CSMD2: variants seen among roughly 807,000 people sequenced by gnomAD.
CSMD2 encodes CUB and Sushi multiple domains 2, also known as CUB and sushi domain-containing protein 2.
In CSMD2, 130 loss-of-function variants were observed where a neutral mutation model predicts 398.5. That is an observed-to-expected ratio of 0.33 (90% CI 0.28 to 0.38). The LOEUF (loss-of-function observed/expected upper bound fraction) is 0.38. CSMD2 is among the 10% of genes least tolerant of loss of function. The pLI is 1.00. For synonymous variants in CSMD2, 1,828 were observed against 1,908.5 expected, an observed-to-expected ratio of 0.96 and a Z score of 1.10; for missense variants, 3,829 against 4,764.9, an observed-to-expected ratio of 0.80 and a Z score of 5.78.
intron 37 of CSMD2, among the ~76,000 whole-genome samples, chr1:33,618,209 T>C (rs571061212): frequency 6.6e-6 from 1 of 152,254 alleles, no homozygotes; most frequent in Non-Finnish European, 1.5e-5. Context: ...CCAGCCCCTT[T>C]CTGGGAGCAG....
rs1638646485 is a variant in CSMD2, at chr1:33,580,834, T to A, written c.7306A>T (p.Thr2436Ser). The part of the protein sequence containing the change: ...SGNYSAPLIV[T>S]SSSNSVYLRW... ...AGGTACACAGAGTTGCTTGAGCTGG[T>A]GACAATCAGGGGAGCTGAGTAATTC... Residue 2436 changes from threonine (T) to serine (S), a missense_variant, in exon 48 of 71, where the codon ACC becomes TCC. Thr to Ser is a moderately conservative substitution (Grantham distance 58, BLOSUM62 1). Around this residue, in one of 5 missense-constraint regions of CSMD2, gnomAD observed 723 missense variants for 758.6 expected, o/e 0.95. Coordinates refer to ENST00000373381, the MANE Select transcript of CSMD2 (RefSeq NM_001281956.2). The A allele has an allele frequency of 1.2e-6, 2 of 1,614,022 alleles. No homozygotes were observed. Among genetic ancestry groups the A allele is most frequent in the African/African-American group, 2.7e-5 (2 of 74,976 alleles).
At position 33,914,385 on chromosome 1, in the gene CSMD2, A is replaced by AGTGTGT. The variant is rs72433922; in HGVS notation, c.920+3703_920+3708dup. ...AGGTATGTGTCAGAGACGATTTGGC[A>AGTGTGT]GTGTGTGTGTGTGTGTGTGTGTGTG... is the stretch of plus-strand genomic sequence containing the variant. On this transcript the variant is annotated intron_variant, in intron 5 of 70. Transcript: ENST00000373381. Among the ~76,000 whole-genome samples, 145 of 139,802 alleles carry AGTGTGT rather than the reference A, an allele frequency of 1.0e-3. No homozygotes were observed. The Middle Eastern group carries it at 0.021, about 21-fold the overall frequency. The allele number at this position is 139,802 out of a possible 152,430, so 91.7% of individuals were successfully genotyped here.
intron 5 of CSMD2, among the ~76,000 whole-genome samples, chr1:33,904,830 T>A (rs1454705575): frequency 1.3e-5 from 2 of 152,170 alleles, no homozygotes; most frequent in Non-Finnish European, 2.9e-5. Flanking sequence ...GTATTTTTAA[T>A]AGACATGGGG....
At chr1:33,916,856 T>C (rs188694022) in intron 5 of CSMD2, among the ~76,000 whole-genome samples, 2 of 152,310 alleles carry the variant, frequency 1.3e-5, no homozygotes, top group African/African-American at 4.8e-5. Context: ...TAAAAAACCA[T>C]GTCTCACTCA....
intron 3 of CSMD2, among the ~76,000 whole-genome samples, chr1:33,936,844 G>A (rs1323791452): frequency 2.6e-5 from 4 of 152,168 alleles, no homozygotes; most frequent in African/African-American, 9.7e-5. Flanking sequence ...ATGGGGTGAG[G>A]AGTAGGGGTC....
At chr1:34,064,404 T>C (rs1438441849) in intron 2 of CSMD2, among the ~76,000 whole-genome samples, 1 of 152,092 alleles carries the variant, frequency 6.6e-6, no homozygotes, top group Non-Finnish European at 1.5e-5. Flanking sequence ...ATACCCTAAA[T>C]CATCTCTCTC....
At chr1:33,991,103 A>G (rs1337620671) in intron 3 of CSMD2, among the ~76,000 whole-genome samples, 2 of 151,584 alleles carry the variant, frequency 1.3e-5, no homozygotes, top group East Asian at 3.9e-4. Flanking sequence ...ACTGCAGCCT[A>G]GAACTCCTGG....
intron 5 of CSMD2, among the ~76,000 whole-genome samples, chr1:33,867,875 G>A (rs946486912): frequency 6.6e-6 from 1 of 152,182 alleles, no homozygotes; most frequent in Non-Finnish European, 1.5e-5. Context: ...CACACAGCTA[G>A]GCCCCAGCTC....
At position 33,984,186 on chromosome 1, in the gene CSMD2, C is replaced by T. The variant is rs1003010563; in HGVS notation, c.518-48232G>A. Among the ~76,000 whole-genome samples the T allele has an allele frequency of 2.0e-5, 3 of 151,364 alleles. No homozygotes were observed. In the East Asian group the frequency reaches 5.9e-4, roughly 30 times the overall value. ...CAAAAAAAAAAAAGGACAAAATGGACATAGCTTGGGCCTTCCCTTACTCCT... is the reference window on the plus strand; with the variant it reads ...CAAAAAAAAAAAAGGACAAAATGGATATAGCTTGGGCCTTCCCTTACTCCT... On this transcript the variant is annotated intron_variant, in intron 3 of 70. Coordinates refer to ENST00000373381, the MANE Select transcript of CSMD2 (RefSeq NM_001281956.2).
intron 10 of CSMD2, among the ~76,000 whole-genome samples, chr1:33,802,931 C>T (rs758541214): frequency 2.0e-4 from 31 of 152,304 alleles, no homozygotes; most frequent in Middle Eastern, 6.8e-3. Flanking sequence ...ATCTTATGTT[C>T]CTTGCCGGCT....
chr1:34,126,766 CG>C (rs2148485093), intron 1 of CSMD2, among the ~76,000 whole-genome samples: 1 of 148,242 alleles, frequency 6.7e-6, no homozygotes, highest in Admixed American at 6.9e-5. Flanking sequence ...AGGAAGGAAA[CG>C]GAGGCAAGGA....
chr1:34,088,878 T>C (rs1184049338), intron 2 of CSMD2, 99 bp downstream of exon 2: 1 of 963,968 alleles, frequency 1.0e-6, no homozygotes, highest in East Asian at 2.5e-5. Flanking sequence ...GTGGTCTTTG[T>C]TGATGACCAT....
At chr1:33,587,470 C>T (rs1639167214) in intron 44 of CSMD2, among the ~76,000 whole-genome samples, 1 of 152,190 alleles carries the variant, frequency 6.6e-6, no homozygotes, top group Non-Finnish European at 1.5e-5. Flanking sequence ...GTTTTATAGG[C>T]TGCCACTCTA....
intron 4 of CSMD2, among the ~76,000 whole-genome samples, chr1:33,927,711 G>C (rs1370491050): frequency 1.3e-5 from 2 of 152,044 alleles, no homozygotes; most frequent in Admixed American, 6.5e-5. Flanking sequence ...CTAGGAGCAG[G>C]CTCCTGGAAG....
In CSMD2 at chr1:33,782,570, T is replaced by C. The variant is rs542165874; in HGVS notation, c.1663+6030A>G. On this transcript the variant is annotated intron_variant, in intron 12 of 70. Coordinates refer to ENST00000373381, the MANE Select transcript of CSMD2 (RefSeq NM_001281956.2). ...CCAACCCCAAATCCTACAGGGACAA[T>C]AGAGAATGCATGGGCTGTTGGCATC... is the stretch of plus-strand genomic sequence containing the variant. 2.6e-5 allele frequency among the ~76,000 whole-genome samples: 4 copies of C among 152,180 alleles called. No individual in the cohort carries two copies. The East Asian group carries it at 5.8e-4, about 22-fold the overall frequency.
intron 53 of CSMD2, among the ~76,000 whole-genome samples, chr1:33,561,578 C>T (rs74788060): frequency 0.036 from 5,413 of 152,250 alleles, 368 homozygotes; most frequent in African/African-American, 0.12. Flanking sequence ...TCTCTGACCT[C>T]AGGAAGCTCA....
At chr1:34,127,902 G>C (rs894927526) in intron 1 of CSMD2, among the ~76,000 whole-genome samples, 15 of 152,048 alleles carry the variant, frequency 9.9e-5, no homozygotes, top group African/African-American at 3.6e-4. Context: ...TCTGAGAGGA[G>C]TTGTTGAGAG....
At chr1:34,136,783 G>A (rs1387489893) in intron 1 of CSMD2, among the ~76,000 whole-genome samples, 1 of 152,070 alleles carries the variant, frequency 6.6e-6, no homozygotes, top group Non-Finnish European at 1.5e-5. Flanking sequence ...CCAACCATGG[G>A]TCTTTCCTCT....
rs1324535397 is a variant in CSMD2 at position 34,165,201 on chromosome 1, G to C, written c.-104C>G. The C allele has an allele frequency of 8.6e-7, 1 of 1,163,324 alleles. No homozygotes were observed. The highest frequency in any genetic ancestry group is 1.1e-6 in the Non-Finnish European group (1 of 944,378). 72.1% of individuals were successfully genotyped at this position (1,163,324 alleles called of 1,614,324 possible). A position where few individuals can be genotyped will look rare whatever the true frequency, so the allele number is the denominator to read the frequency against. On this transcript the variant is annotated 5_prime_UTR_variant, in exon 1 of 71. Transcript: ENST00000373381. ...TTCTGCTCGGAAAAAATCCCGGTAC[G>C]CGGGAGCCCTGAGCTTCTGCGGCTG...
Sources: allele counts gnomAD v4.1 joint callset (sites outside exome capture counted in the v4.1 genomes callset), GRCh38; gene constraint gnomAD v4.1.1; regional missense constraint gnomAD v4.1.1; transcripts MANE v1.5; gene names NCBI Gene and HGNC (gene_info 2026-07-23, HGNC 2026-07-21).